Variants in SAMD5 observed in about 807,000 individuals in gnomAD.
SAMD5 encodes sterile alpha motif domain-containing protein 5.
In SAMD5, 13 loss-of-function variants were observed where a neutral mutation model predicts 11.3. The ratio of observed to expected loss-of-function variants is 1.15; its 90% CI spans 0.75 to 1.83. The LOEUF (loss-of-function observed/expected upper bound fraction) is 1.83. SAMD5 is among the 40% of genes most tolerant of loss of function. The pLI is 0.00. For missense variants in SAMD5, 255 were observed against 239.1 expected, an observed-to-expected ratio of 1.07 and a Z score of -0.44; for synonymous variants, 129 against 111.3, an observed-to-expected ratio of 1.16 and a Z score of -1.00.
Position 147,566,913 on chromosome 6 carries a change from A to G in SAMD5, c.*2457A>G. ...TAGTCTTAGAAGGAGTAATTTTTTC[A>G]GCGTTTTTCCTCTGTATCTAAACAC... is the stretch of plus-strand genomic sequence containing the variant. On this transcript the variant is annotated 3_prime_UTR_variant, in exon 2 of 2. Transcript: ENST00000367474. The G allele has an allele frequency of 1.1e-6, 1 of 939,676 alleles. No individual in the cohort carries two copies. 58.2% of individuals were successfully genotyped at this position (939,676 alleles called of 1,614,324 possible).
the SAMD5 span, among the ~76,000 whole-genome samples, chr6:147,782,805 G>T: frequency 6.6e-6 from 1 of 152,150 alleles, no homozygotes; most frequent in Non-Finnish European, 1.5e-5. Context: ...CCACAAAATG[G>T]TCCCTTACTG....
intron 1 of SAMD5, among the ~76,000 whole-genome samples, chr6:147,560,808 G>C (rs144810977): frequency 6.6e-6 from 1 of 152,130 alleles, no homozygotes; most frequent in African/African-American, 2.4e-5. Flanking sequence ...TTCTAACACT[G>C]ATAGGAGATT....
chr6:147,716,050 G>A (rs1157653871), intron 1 of SAMD5, among the ~76,000 whole-genome samples: 2 of 152,198 alleles, frequency 1.3e-5, no homozygotes, highest in Non-Finnish European at 2.9e-5. Flanking sequence ...TCCAGGGCTT[G>A]AAGCAGAGCT....
At chr6:147,943,856 G>C in the SAMD5 span, among the ~76,000 whole-genome samples, 1 of 152,140 alleles carries the variant, frequency 6.6e-6, no homozygotes. Context: ...CTAAAATTCT[G>C]CATGTGTAAA....
chr6:147,920,699 T>C, the SAMD5 span, among the ~76,000 whole-genome samples: 4 of 152,308 alleles, frequency 2.6e-5, no homozygotes, highest in South Asian at 2.1e-4. Context: ...TTGATGCTGG[T>C]AATAATAAGG....
At chr6:147,781,995 T>C in the SAMD5 span, among the ~76,000 whole-genome samples, 3 of 152,138 alleles carry the variant, frequency 2.0e-5, no homozygotes, top group East Asian at 5.8e-4. Flanking sequence ...GTAGACAATA[T>C]GTAGTGGAAG....
At chr6:147,666,358 G>A (rs1241158107) in intron 1 of SAMD5, among the ~76,000 whole-genome samples, 1 of 152,202 alleles carries the variant, frequency 6.6e-6, no homozygotes, top group Non-Finnish European at 1.5e-5. Context: ...TGAGAAGAGG[G>A]CCTTAAATAA....
chr6:147,786,796 G>A, the SAMD5 span, among the ~76,000 whole-genome samples: 5 of 152,156 alleles, frequency 3.3e-5, no homozygotes, highest in Middle Eastern at 3.2e-3. Flanking sequence ...CAAAGCAAGA[G>A]GTGTGGGTGA....
the SAMD5 span, among the ~76,000 whole-genome samples, chr6:147,889,131 G>A: frequency 1.3e-5 from 2 of 152,006 alleles, no homozygotes; most frequent in Non-Finnish European, 2.9e-5. Flanking sequence ...TTGGTCATTC[G>A]AAGTTGTCCT....
At chr6:147,585,383 A>G (rs1397166650) in intron 1 of SAMD5, among the ~76,000 whole-genome samples, 2 of 152,150 alleles carry the variant, frequency 1.3e-5, no homozygotes, top group Non-Finnish European at 2.9e-5. Context: ...TAGTCAGAAA[A>G]CATTTCCCCA....
At position 147,565,944 on chromosome 6, in the gene SAMD5, G is replaced by A. The variant is rs1381690625; in HGVS notation, c.*1488G>A. The A allele has an allele frequency of 1.0e-6, 1 of 985,128 alleles. No individual in the cohort carries two copies. The highest frequency in any genetic ancestry group is 1.2e-6 in the Non-Finnish European group (1 of 829,830). The allele number at this position is 985,128 out of a possible 1,614,324, so 61.0% of individuals were successfully genotyped here. A position where few individuals can be genotyped will look rare whatever the true frequency, so the allele number is the denominator to read the frequency against. On this transcript the variant is annotated 3_prime_UTR_variant, in exon 2 of 2. Coordinates refer to ENST00000367474, the MANE Select transcript of SAMD5 (RefSeq NM_001030060.3). The stretch of plus-strand genomic sequence containing the variant: ...TACTACTTAGAAGAATGTACAAGAT[G>A]TAAGTTCCCATCGGCACCGTCATGG...
chr6:147,816,020 C>T, the SAMD5 span, among the ~76,000 whole-genome samples: 1 of 151,932 alleles, frequency 6.6e-6, no homozygotes, highest in African/African-American at 2.4e-5. Context: ...TGGCTCACGC[C>T]TGTAATCCCA....
the SAMD5 span, among the ~76,000 whole-genome samples, chr6:147,909,576 CT>C: frequency 1.8e-5 from 1 of 56,582 alleles, no homozygotes; most frequent in African/African-American, 1.1e-4. Context: ...TTCTTTCTTT[CT>C]TTCTTTCTTT....
At chr6:147,890,320 TCAA>T in the SAMD5 span, among the ~76,000 whole-genome samples, 28 of 150,746 alleles carry the variant, frequency 1.9e-4, no homozygotes, top group African/African-American at 6.8e-4. Context: ...ACCTAATTAA[TCAA>T]CAAGATAAGG....
chr6:147,848,451 A>G, the SAMD5 span, among the ~76,000 whole-genome samples: 2 of 152,210 alleles, frequency 1.3e-5, no homozygotes, highest in African/African-American at 2.4e-5. Context: ...TAAGTACCTC[A>G]TATGTCCTAA....
At chr6:147,621,383 G>A (rs1447478080) in intron 1 of SAMD5, among the ~76,000 whole-genome samples, 1 of 152,184 alleles carries the variant, frequency 6.6e-6, no homozygotes, top group African/African-American at 2.4e-5. Context: ...ATGAGTCAAG[G>A]TTGGAGATGG....
At chr6:147,511,799 T>C (rs1284434447) in intron 1 of SAMD5, among the ~76,000 whole-genome samples, 3 of 152,204 alleles carry the variant, frequency 2.0e-5, no homozygotes, top group African/African-American at 7.2e-5. Context: ...TATATGTGCA[T>C]TGCCTCTTAA....
At chr6:147,585,450 G>A (rs1483915468) in intron 1 of SAMD5, among the ~76,000 whole-genome samples, 2 of 152,082 alleles carry the variant, frequency 1.3e-5, no homozygotes, top group East Asian at 3.9e-4. Flanking sequence ...GAGCTGTGAC[G>A]GGCTCAGTAC....
At chr6:147,510,766 G>A (rs1425783168) in intron 1 of SAMD5, among the ~76,000 whole-genome samples, 1 of 152,194 alleles carries the variant, frequency 6.6e-6, no homozygotes, top group Non-Finnish European at 1.5e-5. Context: ...TTTTAAGGAG[G>A]ATACAAAGAA....
Sources: gnomAD v4.1 joint callset for allele counts (sites outside exome capture counted in the v4.1 genomes callset) on GRCh38, gnomAD v4.1.1 for gene constraint, MANE v1.5 for transcripts, NCBI Gene and HGNC (gene_info 2026-07-23, HGNC 2026-07-21) for gene names.